The following SOX5 variants were observed in gnomAD, a reference collection of about 807,000 sequenced individuals.
SOX5 encodes the protein SRY-box transcription factor 5, also known as transcription factor SOX-5.
In SOX5, 9 loss-of-function variants were observed where a neutral mutation model predicts 92.0. That is an observed-to-expected ratio of 0.10 (90% CI 0.06 to 0.17). The LOEUF (loss-of-function observed/expected upper bound fraction) is 0.17. Ranked by LOEUF, SOX5 falls within the 10% of genes least tolerant of loss-of-function variation. The pLI is 1.00. For missense variants in SOX5, 642 were observed against 944.5 expected (o/e 0.68, Z 4.20); for synonymous variants, 344 against 336.3 (o/e 1.02, Z -0.25).
chr12:23,542,486 A>T (rs2136006960), intron 13 of SOX5, among the ~76,000 whole-genome samples: 1 of 152,270 alleles, frequency 6.6e-6, no homozygotes, highest in Non-Finnish European at 1.5e-5. Flanking sequence ...TATAATAGGT[A>T]TCTTTATAAT....
chr12:24,104,746 G>T (rs1946485861), intron 4 of SOX5, among the ~76,000 whole-genome samples: 1 of 152,170 alleles, frequency 6.6e-6, no homozygotes, highest in South Asian at 2.1e-4. Flanking sequence ...GGGCATTTTT[G>T]CAGATAAGCT....
At chr12:24,354,852 G>A (rs929439952) in intron 2 of SOX5, among the ~76,000 whole-genome samples, 2 of 152,072 alleles carry the variant, frequency 1.3e-5, no homozygotes, top group Admixed American at 6.6e-5. Flanking sequence ...AAATTTGTGC[G>A]ACTGGTATCA....
chr12:24,435,663 G>A (rs1367478330), intron 1 of SOX5, among the ~76,000 whole-genome samples: 1 of 152,150 alleles, frequency 6.6e-6, no homozygotes, highest in African/African-American at 2.4e-5. Flanking sequence ...TAAACAACTT[G>A]ACAAGTGAAT....
intron 1 of SOX5, among the ~76,000 whole-genome samples, chr12:24,454,042 A>T (rs938514805): frequency 3.3e-5 from 5 of 152,222 alleles, no homozygotes; most frequent in Non-Finnish European, 7.3e-5. Context: ...CAATTTGCTA[A>T]TACTGCTAAA....
intron 3 of SOX5, among the ~76,000 whole-genome samples, chr12:23,773,220 C>T (rs911972661): frequency 2.0e-5 from 3 of 152,026 alleles, no homozygotes; most frequent in African/African-American, 4.8e-5. Context: ...ATAATAAATA[C>T]TTCTAATTTC....
At chr12:23,648,689 C>G (rs954857129) in intron 7 of SOX5, among the ~76,000 whole-genome samples, 1 of 152,100 alleles carries the variant, frequency 6.6e-6, no homozygotes, top group African/African-American at 2.4e-5. Flanking sequence ...CTCAGCTATA[C>G]AGCATACAGA....
At chr12:23,917,529 G>A (rs1264340074) in intron 1 of SOX5, among the ~76,000 whole-genome samples, 1 of 151,954 alleles carries the variant, frequency 6.6e-6, no homozygotes, top group Admixed American at 6.6e-5. Context: ...CTCCAGCCTG[G>A]GTGAAAGAAT....
At chr12:24,112,525 T>A (rs1233683312) in intron 4 of SOX5, among the ~76,000 whole-genome samples, 1 of 124,762 alleles carries the variant, frequency 8.0e-6, no homozygotes, top group Non-Finnish European at 1.7e-5. Context: ...AGGTTCCTTT[T>A]TTTTTTTTTT....
intron 1 of SOX5, among the ~76,000 whole-genome samples, chr12:24,435,071 G>A (rs1449754367): frequency 3.9e-5 from 6 of 152,202 alleles, no homozygotes; most frequent in Admixed American, 3.3e-4. Flanking sequence ...AAAGAGAAGA[G>A]CACTTCATCT....
At chr12:24,534,600 G>A (rs529115552) in intron 1 of SOX5, among the ~76,000 whole-genome samples, 18 of 152,296 alleles carry the variant, frequency 1.2e-4, no homozygotes, top group Non-Finnish European at 7.4e-5. Context: ...AAAAGAGAAA[G>A]CATAACATCT....
At chr12:23,670,408 G>A (rs545498304) in intron 6 of SOX5, among the ~76,000 whole-genome samples, 4 of 152,126 alleles carry the variant, frequency 2.6e-5, no homozygotes, top group African/African-American at 7.2e-5. Context: ...GTAAAGTGAA[G>A]CAAAGGCTTT....
chr12:24,266,681 T>C (rs555191111), intron 3 of SOX5, among the ~76,000 whole-genome samples: 1 of 152,368 alleles, frequency 6.6e-6, no homozygotes, highest in Admixed American at 6.5e-5. Context: ...TTAAATGATA[T>C]CCTAATTGCA....
At chr12:24,270,644 T>C (rs74525066) in intron 3 of SOX5, among the ~76,000 whole-genome samples, 3,296 of 152,310 alleles carry the variant, frequency 0.022, 88 homozygotes, top group African/African-American at 0.068. Context: ...GAAGTGTTCC[T>C]GGACACAAAT....
chr12:24,180,464 T>C (rs1955363886), intron 4 of SOX5, among the ~76,000 whole-genome samples: 1 of 152,154 alleles, frequency 6.6e-6, no homozygotes. Flanking sequence ...CTACTGCAAA[T>C]AAGCTTCTAA....
At chr12:24,467,212 T>C (rs1337479592) in intron 1 of SOX5, among the ~76,000 whole-genome samples, 1 of 152,216 alleles carries the variant, frequency 6.6e-6, no homozygotes, top group Admixed American at 6.5e-5. Context: ...TATTTGCTCA[T>C]TCATTCAACA....
chr12:24,423,898 G>A (rs560411991), intron 1 of SOX5, among the ~76,000 whole-genome samples: 7 of 152,286 alleles, frequency 4.6e-5, no homozygotes, highest in Non-Finnish European at 7.3e-5. Flanking sequence ...TGGACACTGC[G>A]CAGCAATGAC....
At chr12:23,843,815 C>T (rs749461850) in intron 3 of SOX5, among the ~76,000 whole-genome samples, 8 of 152,088 alleles carry the variant, frequency 5.3e-5, no homozygotes, top group South Asian at 2.1e-4. Flanking sequence ...CCACCTGCCA[C>T]GGCCTCCCAA....
chr12:23,990,752 AG>A (rs1259763009), intron 4 of SOX5, among the ~76,000 whole-genome samples: 1 of 152,072 alleles, frequency 6.6e-6, no homozygotes, highest in African/African-American at 2.4e-5. Context: ...CTATTTCTTT[AG>A]GCATTTAAGC....
intron 6 of SOX5, among the ~76,000 whole-genome samples, chr12:23,668,507 T>C (rs568356657): frequency 2.0e-5 from 3 of 152,314 alleles, no homozygotes; most frequent in African/African-American, 7.2e-5. Context: ...ACGATATGTT[T>C]TCTGGGTAGA....
Sources: allele counts gnomAD v4.1 joint callset (sites outside exome capture counted in the v4.1 genomes callset), GRCh38; gene constraint gnomAD v4.1.1; transcripts MANE v1.5; gene names NCBI Gene and HGNC (gene_info 2026-07-23, HGNC 2026-07-21).